Variants in DCLK2 observed in about 807,000 individuals in gnomAD.
DCLK2 encodes doublecortin like kinase 2.
Under a neutral mutation model 78.4 loss-of-function variants are expected in DCLK2, and 31 were observed. The observed-to-expected ratio is 0.40, with a 90% CI of 0.30 to 0.53. The LOEUF (loss-of-function observed/expected upper bound fraction) is 0.53. Ranked by LOEUF, DCLK2 falls within the 20% of genes least tolerant of loss-of-function variation. The pLI, the probability that DCLK2 is intolerant of heterozygous loss-of-function variation, is 0.61. For synonymous variants in DCLK2, 407 were observed against 374.9 expected, an observed-to-expected ratio of 1.09 and a Z score of -0.99; for missense variants, 872 against 973.7, an observed-to-expected ratio of 0.90 and a Z score of 1.39.
At chr4:150,253,638 C>G in intron 15 of DCLK2, 4 of 1,275,466 alleles carry the variant, frequency 3.1e-6, no homozygotes, top group Non-Finnish European at 4.1e-6. Flanking sequence ...TTTCTGATGC[C>G]GCCGTCCGGC....
intron 15 of DCLK2, among the ~76,000 whole-genome samples, chr4:150,252,652 TGAG>T (rs1361865957): frequency 2.0e-5 from 3 of 152,224 alleles, no homozygotes; most frequent in African/African-American, 7.2e-5. Flanking sequence ...CATTTGCTGA[TGAG>T]GAGTTCAGGA....
At chr4:150,204,077 T>G (rs1477282838) in intron 5 of DCLK2, among the ~76,000 whole-genome samples, 188 bp downstream of exon 5, 1 of 152,212 alleles carries the variant, frequency 6.6e-6, no homozygotes, top group Non-Finnish European at 1.5e-5. Context: ...TTAACTCCTC[T>G]GAGCTGAAGT....
intron 15 of DCLK2, among the ~76,000 whole-genome samples, chr4:150,250,117 T>A (rs2305980): frequency 0.17 from 25,594 of 152,120 alleles, 2,662 homozygotes; most frequent in Non-Finnish European, 0.24. Context: ...GCTAAACATA[T>A]TTCAGTTTTA....
intron 2 of DCLK2, among the ~76,000 whole-genome samples, chr4:150,120,867 G>A (rs188476507): frequency 3.7e-4 from 57 of 152,154 alleles, no homozygotes; most frequent in African/African-American, 6.7e-4. Context: ...TTAGGAGTTC[G>A]AGACCAGCCT....
intron 2 of DCLK2, among the ~76,000 whole-genome samples, chr4:150,185,310 A>G (rs1347914262): frequency 6.6e-6 from 1 of 152,204 alleles, no homozygotes; most frequent in African/African-American, 2.4e-5. Flanking sequence ...CCCATGATCT[A>G]ATTACCTCCC....
intron 7 of DCLK2, among the ~76,000 whole-genome samples, chr4:150,222,033 C>T (rs537243544): frequency 6.6e-6 from 1 of 151,240 alleles, no homozygotes; most frequent in African/African-American, 2.4e-5. Flanking sequence ...ACTCTGTTAC[C>T]CAGGCTAGAG....
At chr4:150,122,567 C>T (rs1732626867) in intron 2 of DCLK2, among the ~76,000 whole-genome samples, 1 of 151,966 alleles carries the variant, frequency 6.6e-6, no homozygotes, top group Admixed American at 6.6e-5. Flanking sequence ...AACACATGGA[C>T]ACAGGGAGGG....
intron 2 of DCLK2, among the ~76,000 whole-genome samples, chr4:150,112,822 C>T (rs951958553): frequency 1.0e-5 from 1 of 96,640 alleles, no homozygotes; most frequent in Non-Finnish European, 1.9e-5. Flanking sequence ...TTCCCCGCCC[C>T]CCGCCCCGGA....
At position 150,256,532 on chromosome 4, in the gene DCLK2, G is replaced by A. The variant is rs1009536743; in HGVS notation, c.*285G>A. ...TCATCCCGTCATTTTCAGTTTGTTG[G>A]ACATTTTACAGCTTCACCAGGAGAA... On this transcript the variant is annotated 3_prime_UTR_variant, in exon 16 of 16. Coordinates refer to ENST00000296550, the MANE Select transcript of DCLK2 (RefSeq NM_001040260.4). 9 of 403,976 alleles carry A rather than the reference G, an allele frequency of 2.2e-5. No individual in the cohort carries two copies. Among genetic ancestry groups the A allele is most frequent in the Non-Finnish European group, 3.9e-5 (9 of 229,042 alleles). The allele number at this position is 403,976 out of a possible 1,614,324, so 25.0% of individuals were successfully genotyped here.
At chr4:150,163,269 G>A (rs1735834824) in intron 2 of DCLK2, among the ~76,000 whole-genome samples, 1 of 152,080 alleles carries the variant, frequency 6.6e-6, no homozygotes, top group South Asian at 2.1e-4. Context: ...GTGGTGGCAG[G>A]CACCTATAGT....
chr4:150,193,068 A>T, intron 2 of DCLK2, 70 bp from the exon 3 acceptor site: 1 of 919,214 alleles, frequency 1.1e-6, no homozygotes, highest in Non-Finnish European at 1.7e-6. Flanking sequence ...TTAAAAATTC[A>T]TTTAGTTTTG....
chr4:150,213,147 A>G (rs927267012), intron 5 of DCLK2, among the ~76,000 whole-genome samples: 1 of 152,244 alleles, frequency 6.6e-6, no homozygotes, highest in Non-Finnish European at 1.5e-5. Flanking sequence ...TTGGCAAGCC[A>G]TGTAGTCACC....
chr4:150,179,194 A>AT (rs1279801535), intron 2 of DCLK2, among the ~76,000 whole-genome samples: 3 of 151,870 alleles, frequency 2.0e-5, no homozygotes, highest in Non-Finnish European at 4.4e-5. Context: ...TGCCTGGCTA[A>AT]TTTTTTTGTA....
At chr4:150,234,112 A>G (rs1488936114) in intron 10 of DCLK2, among the ~76,000 whole-genome samples, 1 of 152,110 alleles carries the variant, frequency 6.6e-6, no homozygotes, top group South Asian at 2.1e-4. Flanking sequence ...CAGCAGCCTT[A>G]CACCTCCATT....
At chr4:150,246,980 G>C (rs1379863530) in intron 12 of DCLK2, among the ~76,000 whole-genome samples, 7 of 152,072 alleles carry the variant, frequency 4.6e-5, no homozygotes, top group Non-Finnish European at 8.8e-5. Flanking sequence ...ATTATTTCAT[G>C]AATGTTTATC....
intron 2 of DCLK2, among the ~76,000 whole-genome samples, chr4:150,187,924 C>T (rs1409812505): frequency 3.3e-5 from 5 of 151,872 alleles, no homozygotes; most frequent in South Asian, 4.2e-4. Flanking sequence ...CTTCAGCCTC[C>T]CGAGTAACTG....
chr4:150,236,400 A>C (rs1032258211), intron 10 of DCLK2, among the ~76,000 whole-genome samples: 4 of 152,226 alleles, frequency 2.6e-5, no homozygotes, highest in Non-Finnish European at 5.9e-5. Context: ...TATGACTAGT[A>C]ACCTGAGTGC....
At chr4:150,182,284 C>T (rs1181479343) in intron 2 of DCLK2, among the ~76,000 whole-genome samples, 1 of 152,044 alleles carries the variant, frequency 6.6e-6, no homozygotes, top group South Asian at 2.1e-4. Context: ...CGGCCTCAAG[C>T]GATCCTCTCA....
At chr4:150,211,534 C>G (rs1306583390) in intron 5 of DCLK2, among the ~76,000 whole-genome samples, 1 of 152,168 alleles carries the variant, frequency 6.6e-6, no homozygotes, top group Non-Finnish European at 1.5e-5. Context: ...ATTTTCATCT[C>G]TTTATCAGCC....
Sources: gnomAD v4.1 joint callset for allele counts (sites outside exome capture counted in the v4.1 genomes callset) on GRCh38, gnomAD v4.1.1 for gene constraint, MANE v1.5 for transcripts, NCBI Gene and HGNC (gene_info 2026-07-23, HGNC 2026-07-21) for gene names.